NOP2: variants seen among roughly 807,000 people sequenced by gnomAD.
NOP2 encodes NOP2 nucleolar protein, also known as 28S rRNA (cytosine(4447)-C(5))-methyltransferase.
Under a neutral mutation model 72.7 loss-of-function variants are expected in NOP2, and 7 were observed. The observed-to-expected ratio is 0.10, with a 90% CI of 0.05 to 0.18. NOP2 has a LOEUF of 0.18. Among genes scored for constraint, NOP2 ranks in the 10% least tolerant of loss-of-function variants. The pLI is 1.00. For missense variants in NOP2, 954 were observed against 1,014.7 expected (o/e 0.94, Z 0.81); for synonymous variants, 387 against 388.0 (o/e 1.00, Z 0.03).
chr12:6,561,159 A>C, intron 11 of NOP2, 89 bp from the exon 12 acceptor site: 1 of 1,533,558 alleles, frequency 6.5e-7, no homozygotes, highest in Non-Finnish European at 8.8e-7. Context: ...CCACATGAGA[A>C]GTGTCATCAC....
At chr12:6,564,801 G>A (rs962450637) in intron 5 of NOP2, among the ~76,000 whole-genome samples, 2 of 132,300 alleles carry the variant, frequency 1.5e-5, no homozygotes, top group African/African-American at 5.7e-5. Context: ...TTTGTTTCTT[G>A]CTTTTTAGAC....
chr12:6,561,029 C>G lies in NOP2; in HGVS notation c.1249G>C (p.Ala417Pro), dbSNP rs756424704. 3 of 1,613,970 alleles carry G rather than the reference C, an allele frequency of 1.9e-6. No individual in the cohort carries two copies. The highest frequency in any genetic ancestry group is 2.5e-6 in the Non-Finnish European group (3 of 1,179,892). Residue 417 changes from alanine to proline, a missense_variant, in exon 12 of 16, where the codon GCC (alanine) becomes CCC (proline). By Grantham distance (27) the Ala-to-Pro change is conservative (BLOSUM62 -1). Transcript: ENST00000322166. ...KNTGVILAND[A>P]NAERLKSVVG... ...ACACTCTTGAGCCGCTCAGCATTGGCGTCATTGGCAAGGATCACACCCGTG... is the reference window on the plus strand; with the variant it reads ...ACACTCTTGAGCCGCTCAGCATTGGGGTCATTGGCAAGGATCACACCCGTG...
chr12:6,557,598 C>T lies in NOP2; in HGVS notation c.1834G>A (p.Val612Ile). Residue 612 changes from valine (V) to isoleucine (I), a missense_variant, in exon 16 of 16, where the codon GTC (valine) becomes ATC (isoleucine). This residue lies in a region of NOP2 where 269 missense variants were observed against 260.2 expected (regional missense o/e 1.03). Transcript: ENST00000322166. ...CTGCTGTTCTCAGACTTGGGGATGA[C>T]CTGAGGCAAGTCTACATTTGTAGGT... is the stretch of plus-strand genomic sequence containing the variant. ...ATPTNVDLPQ[V>I]IPKSENSSQP... 6.2e-7 allele frequency: 1 copy of T among 1,613,554 alleles called. No homozygotes were observed. The highest frequency in any genetic ancestry group is 1.1e-5 in the South Asian group (1 of 91,024).
intron 5 of NOP2, among the ~76,000 whole-genome samples, chr12:6,564,672 G>A (rs951321760): frequency 3.3e-5 from 5 of 150,866 alleles, no homozygotes; most frequent in Non-Finnish European, 5.9e-5. Context: ...CAGGTGATCC[G>A]CCCACCTCGG....
intron 5 of NOP2, chr12:6,564,222 G>T (rs1159258351): frequency 3.2e-6 from 2 of 629,752 alleles, no homozygotes; most frequent in Admixed American, 5.3e-5. Flanking sequence ...GTTGCAGTGA[G>T]CCAAGACCGA....
At position 6,557,953 on chromosome 12, in the gene NOP2, G is replaced by A. The variant is rs1233309835; in HGVS notation, c.1790-311C>T. The stretch of plus-strand genomic sequence containing the variant: ...AGGCCAGGAGTTCAAGACCAGCCTA[G>A]CCCACATGGTGAAACCATCTCTACT... On this transcript the variant is annotated intron_variant, in intron 15 of 15. Transcript: ENST00000322166. 1.3e-5 allele frequency: 5 copies of A among 377,674 alleles called. No individual in the cohort carries two copies. In the East Asian group the frequency reaches 3.6e-4, roughly 27 times the overall value. The allele number at this position is 377,674 out of a possible 1,614,324, so 23.4% of individuals were successfully genotyped here. A position where few individuals can be genotyped will look rare whatever the true frequency, so the allele number is the denominator to read the frequency against.
Position 6,560,079 on chromosome 12 carries a change from G to A in NOP2, c.1789+19C>T, listed in dbSNP as rs370305564. ...GAAAGAGCAAAGGTGGTGACGAAGG[G>A]AAGAAAAAGATTACTTACCTGTCTG... On this transcript the variant is annotated intron_variant, in intron 15 of 15. Coordinates refer to ENST00000322166, the MANE Select transcript of NOP2 (RefSeq NM_001258308.2). The surrounding 1 kb of genome is among the most constrained non-coding windows in gnomAD (Gnocchi z 5.0). The A allele has an allele frequency of 7.0e-6, 11 of 1,567,170 alleles. No individual in the cohort carries two copies. In the African/African-American group the frequency reaches 8.1e-5, roughly 12 times the overall value.
Position 6,568,261 on chromosome 12 carries a change from C to T in NOP2, c.-59G>A. ...CTTCGGGCGGCCCTCCACGTGCAAT[C>T]CGGACCTAGCTTTCGGCCGGCACTC... is the stretch of plus-strand genomic sequence containing the variant. On this transcript the variant is annotated 5_prime_UTR_variant, in exon 1 of 16. Coordinates refer to ENST00000322166, the MANE Select transcript of NOP2 (RefSeq NM_001258308.2). 4.5e-6 allele frequency: 1 copy of T among 222,264 alleles called. No homozygotes were observed. Among genetic ancestry groups the T allele is most frequent in the Non-Finnish European group, 8.9e-6 (1 of 111,846 alleles). The allele number at this position is 222,264 out of a possible 1,614,324, so 13.8% of individuals were successfully genotyped here.
Position 6,563,704 on chromosome 12 carries a change from G to T in NOP2, c.598C>A (p.Pro200Thr). The change falls in exon 7 of 16, where the codon CCC (proline) becomes ACC (threonine). Residue 200 changes from proline (P) to threonine (T), a missense_variant. Coordinates refer to ENST00000322166, the MANE Select transcript of NOP2 (RefSeq NM_001258308.2). ...CCATCTGCCTCTTCCACCTTTGGGGGGCCTGACTCAGGGGTCACTTCTTTC... is the reference window on the plus strand; with the variant it reads ...CCATCTGCCTCTTCCACCTTTGGGGTGCCTGACTCAGGGGTCACTTCTTTC... ...EEKEVTPESG[P>T]PKVEEADGGL... 1 of 1,613,592 alleles carries T rather than the reference G, an allele frequency of 6.2e-7. No homozygotes were observed. The highest frequency in any genetic ancestry group is 8.5e-7 in the Non-Finnish European group (1 of 1,179,724).
chr12:6,561,857 A>G (rs370577393), intron 10 of NOP2, 27 bp downstream of exon 10: 104 of 1,609,876 alleles, frequency 6.5e-5, no homozygotes, highest in Non-Finnish European at 8.5e-6. Flanking sequence ...ACAGAGGTAG[A>G]AGGGCTCTTG....
At position 6,564,012 on chromosome 12, in the gene NOP2, T is replaced by G. The variant is rs968159375; in HGVS notation, c.475-66A>C. ...CATCAGCCCTTGTAGCAGTTCTATC[T>G]CTATATCTTATTTTTTCGCTAAATA... On this transcript the variant is annotated intron_variant, in intron 5 of 15. Transcript: ENST00000322166. 15 of 1,568,058 alleles carry G rather than the reference T, an allele frequency of 9.6e-6. No homozygotes were observed. In the African/African-American group the frequency reaches 1.4e-4, roughly 14 times the overall value.
rs755657091 is a variant in NOP2, at chr12:6,566,136, C to T, written c.439G>A (p.Asp147Asn). 73 of 1,613,748 alleles carry T rather than the reference C, an allele frequency of 4.5e-5. No individual in the cohort carries two copies. ...TCCTCCTCATCCTCAGAGTTGGAGT[C>T]AGCTCCATAGTCATCTACCGTATCA... ...DADTVDDYGA[D>N]SNSEDEEEGE... is the part of the protein sequence containing the mutation. Residue 147 changes from aspartate to asparagine, a missense_variant, in exon 5 of 16, where the codon GAC becomes AAC. Transcript: ENST00000322166.
chr12:6,558,140 C>CAAAAA lies in NOP2; in HGVS notation c.1790-503_1790-499dup, dbSNP rs1186896591. 1.5e-3 allele frequency: 266 copies of CAAAAA among 174,806 alleles called. 2 individuals carry two copies. The highest frequency in any genetic ancestry group is 5.6e-3 in the East Asian group (14 of 2,482). The allele number at this position is 174,806 out of a possible 1,614,324, so 10.8% of individuals were successfully genotyped here. A position where few individuals can be genotyped will look rare whatever the true frequency, so the allele number is the denominator to read the frequency against. Reference sequence around the variant, plus strand: ...TGAGCGACAAAGCAAGACACCGTCTCAAAAAAAAAAAAAAAAAAAAAAAAA... The same window carrying CAAAAA: ...TGAGCGACAAAGCAAGACACCGTCTCAAAAAAAAAAAAAAAAAAAAAAAAAAAAAA... On this transcript the variant is annotated intron_variant, in intron 15 of 15. Coordinates refer to ENST00000322166, the MANE Select transcript of NOP2 (RefSeq NM_001258308.2).
chr12:6,562,149 C>T (rs2854735), intron 9 of NOP2, among the ~76,000 whole-genome samples, 178 bp from the exon 10 acceptor site: 1 of 151,994 alleles, frequency 6.6e-6, no homozygotes, highest in East Asian at 1.9e-4. Flanking sequence ...TACCACCATG[C>T]CTGGCTAATT....
rs10714802 is a variant in NOP2 at position 6,560,907 on chromosome 12, GA to G, written c.1347+23del. ...AGAAGGTCAACCGGAAGAAGCCTCA[GA>G]AGACACACAGCTCGAGTCTCACCTT... On this transcript the variant is annotated intron_variant, in intron 12 of 15. Coordinates refer to ENST00000322166, the MANE Select transcript of NOP2 (RefSeq NM_001258308.2). The surrounding 1 kb of genome is among the most constrained non-coding windows in gnomAD (Gnocchi z 5.0). 44,701 of 1,613,494 alleles carry G rather than the reference GA, an allele frequency of 0.028. 740 individuals carry two copies. The highest frequency in any genetic ancestry group is 0.033 in the Non-Finnish European group (38,460 of 1,179,586).
rs1947533562 is a variant in NOP2, at chr12:6,557,785, AATTCCCATTACTT to A, written c.1790-156_1790-144del. Reference sequence around the variant, plus strand: ...TCAGTGCCTAAGAGCAGATTACCTAAATTCCCATTACTTAATATAACTTGGCCTTTACTCAAGT... The same window carrying A: ...TCAGTGCCTAAGAGCAGATTACCTAAAATATAACTTGGCCTTTACTCAAGT... On this transcript the variant is annotated intron_variant, in intron 15 of 15. Transcript: ENST00000322166. 3 of 866,012 alleles carry A rather than the reference AATTCCCATTACTT, an allele frequency of 3.5e-6. No homozygotes were observed. In the Admixed American group the frequency reaches 8.7e-5, roughly 25 times the overall value. 53.6% of individuals were successfully genotyped at this position (866,012 alleles called of 1,614,324 possible).
In NOP2 at chr12:6,561,947, G is replaced by A. The variant is rs769138340; in HGVS notation, c.1003C>T (p.Leu335=). 3 of 1,611,312 alleles carry A rather than the reference G, an allele frequency of 1.9e-6. No homozygotes were observed. Among genetic ancestry groups the A allele is most frequent in the Admixed American group, 1.7e-5 (1 of 59,582 alleles). Residue 335 remains leucine (L), a synonymous_variant, in exon 10 of 16, where the codon CTG becomes TTG. Transcript: ENST00000322166. ...AQALINRGVN[L]DPLGKWSKTG... is the part of the protein sequence containing the mutation. ...TTTGACCACTTGCCCAGGGGATCCA[G>A]GTTAACCCCACGATTGATTAGAGCC...
chr12:6,566,224 C>T lies in NOP2; in HGVS notation c.351G>A (p.Glu117=). Residue 117 remains glutamate (E), a synonymous_variant, in exon 5 of 16, where the codon GAG becomes GAA. Transcript: ENST00000322166. The part of the protein sequence containing the change: ...PAPGSDEEEE[E]EDSEEDGMVN... ...CCATACCATCTTCTTCAGAGTCTTC[C>T]TCCTCCTCTTCCTCATCACTGCCAG... 2.5e-6 allele frequency: 4 copies of T among 1,613,984 alleles called. No individual in the cohort carries two copies. Among genetic ancestry groups the T allele is most frequent in the East Asian group, 2.2e-5 (1 of 44,892 alleles).
In NOP2 at chr12:6,566,603, C is replaced by G. The variant is rs1477054314; in HGVS notation, c.164G>C (p.Arg55Thr). Residue 55 changes from arginine (R) to threonine (T), a missense_variant, in exon 4 of 16, where the codon AGA (arginine) becomes ACA (threonine). Arg to Thr is a moderately conservative substitution (Grantham distance 71, BLOSUM62 -1). Transcript: ENST00000322166. ...CTTAGGGGCTTCAACAGAGCCCAAT[C>G]TCCTCTTGGCTGCCCTGAAAAGACA... ...SRARKRAAKRRLGSVEAPKTN... is the reference protein window; with the variant it reads ...SRARKRAAKRTLGSVEAPKTN... 4 of 1,565,656 alleles carry G rather than the reference C, an allele frequency of 2.6e-6. No individual in the cohort carries two copies. In the Admixed American group the frequency reaches 5.1e-5, roughly 20 times the overall value.
Sources: allele counts gnomAD v4.1 joint callset (sites outside exome capture counted in the v4.1 genomes callset), GRCh38; gene constraint gnomAD v4.1.1; regional missense constraint gnomAD v4.1.1; non-coding constraint Gnocchi (gnomAD v3.1); transcripts MANE v1.5; gene names NCBI Gene and HGNC (gene_info 2026-07-23, HGNC 2026-07-21).